The following TMEM132C variants were observed in gnomAD, a reference collection of about 807,000 sequenced individuals.
TMEM132C encodes the protein protein phosphatase 1, regulatory subunit 152.
TMEM132C carries 29 observed loss-of-function variants against 61.4 expected under a neutral mutation model. That is an observed-to-expected ratio of 0.47 (90% CI 0.35 to 0.64). The LOEUF (loss-of-function observed/expected upper bound fraction) is 0.64, where lower values mean the gene tolerates loss of function less well. Ranked by LOEUF, TMEM132C falls within the 30% of genes least tolerant of loss-of-function variation. The probability of loss-of-function intolerance (pLI) is 0.00; values close to 1 mark genes in which losing one functional copy is unlikely to be tolerated. For synonymous variants in TMEM132C, 656 were observed against 633.1 expected (o/e 1.04, Z -0.54); for missense variants, 1,408 against 1,476.9 (o/e 0.95, Z 0.76).
chr12:128,435,302 C>T (rs532495057), intron 2 of TMEM132C, among the ~76,000 whole-genome samples: 41 of 152,218 alleles, frequency 2.7e-4, no homozygotes, highest in Admixed American at 3.9e-4. Context: ...GTTGCCAGTC[C>T]GGTGACCCAA....
intron 1 of TMEM132C, among the ~76,000 whole-genome samples, chr12:128,296,550 A>ATTTCCTCTCTGTC (rs1367987825): frequency 1.3e-4 from 20 of 152,144 alleles, no homozygotes; most frequent in Admixed American, 4.6e-4. Context: ...CCAGCCATTA[A>ATTTCCTCTCTGTC]TTTCCTCTCT....
At chr12:128,593,550 G>A (rs1030923252) in intron 3 of TMEM132C, among the ~76,000 whole-genome samples, 2 of 152,210 alleles carry the variant, frequency 1.3e-5, no homozygotes, top group African/African-American at 4.8e-5. Flanking sequence ...CATGGGAATT[G>A]GAGTTGAGTT....
rs558426293 is a variant in TMEM132C at position 128,557,646 on chromosome 12, A to T, written c.1121+13543A>T. On this transcript the variant is annotated intron_variant, in intron 3 of 8. Transcript: ENST00000435159. ...ATATCCCCAAGGCTCTGTGTGTCTC[A>T]GAGAACATATTCACAGTCTTCTCAG... Among the ~76,000 whole-genome samples, 3 of 152,306 alleles carry T rather than the reference A, an allele frequency of 2.0e-5. No homozygotes were observed. In the South Asian group the frequency reaches 6.2e-4, roughly 32 times the overall value.
chr12:128,532,259 A>G (rs1157177936), intron 2 of TMEM132C, among the ~76,000 whole-genome samples: 1 of 152,114 alleles, frequency 6.6e-6, no homozygotes, highest in Non-Finnish European at 1.5e-5. Context: ...CTCCTTTATG[A>G]GGAGCTATGT....
intron 5 of TMEM132C, among the ~76,000 whole-genome samples, chr12:128,672,943 AG>A (rs1954546704): frequency 6.6e-6 from 1 of 152,234 alleles, no homozygotes; most frequent in Non-Finnish European, 1.5e-5. Flanking sequence ...AGAAGACACA[AG>A]ACCCCGAGGT....
chr12:128,657,835 G>T (rs956848247), intron 4 of TMEM132C, among the ~76,000 whole-genome samples: 9 of 152,256 alleles, frequency 5.9e-5, no homozygotes, highest in African/African-American at 2.2e-4. Context: ...CAGTTTGTGG[G>T]CTCTGTTTCC....
intron 1 of TMEM132C, among the ~76,000 whole-genome samples, chr12:128,312,603 A>T (rs1020376226): frequency 6.6e-6 from 1 of 152,192 alleles, no homozygotes; most frequent in Admixed American, 6.5e-5. Context: ...ATGGAGGCAG[A>T]CATTGGAGGG....
rs190362380 is a variant in TMEM132C at position 128,643,020 on chromosome 12, C to T, written c.1306-26397C>T. ...CCCGGGTCTCTTCTTATCATTGTAG[C>T]GATCTCTCACTGACTTCAGAGAATG... is the stretch of plus-strand genomic sequence containing the variant. On this transcript the variant is annotated intron_variant, in intron 4 of 8. Coordinates refer to ENST00000435159, the MANE Select transcript of TMEM132C (RefSeq NM_001136103.3). 2.1e-3 allele frequency among the ~76,000 whole-genome samples: 313 copies of T among 152,256 alleles called. 1 individual carries two copies. The highest frequency in any genetic ancestry group is 4.6e-3 in the Admixed American group (70 of 15,288).
intron 1 of TMEM132C, among the ~76,000 whole-genome samples, chr12:128,399,605 AC>A (rs1488814129): frequency 6.6e-6 from 1 of 152,084 alleles, no homozygotes; most frequent in Admixed American, 6.6e-5. Flanking sequence ...AAAGAGGTAA[AC>A]CTGGTCTATA....
chr12:128,379,962 A>G (rs1047675904), intron 1 of TMEM132C, among the ~76,000 whole-genome samples: 1 of 152,184 alleles, frequency 6.6e-6, no homozygotes. Context: ...GGAGATAGAG[A>G]CACTAGCCGA....
chr12:128,294,870 G>A (rs1397267010), intron 1 of TMEM132C, among the ~76,000 whole-genome samples: 1 of 152,036 alleles, frequency 6.6e-6, no homozygotes, highest in Non-Finnish European at 1.5e-5. Flanking sequence ...GAACAAAGAC[G>A]TTTAGAACAC....
At chr12:128,355,707 C>A (rs1873481856) in intron 1 of TMEM132C, among the ~76,000 whole-genome samples, 1 of 152,134 alleles carries the variant, frequency 6.6e-6, no homozygotes, top group Non-Finnish European at 1.5e-5. Flanking sequence ...TCCACACTGT[C>A]CTCCTTGCTG....
chr12:128,296,788 C>T (rs1391360982), intron 1 of TMEM132C, among the ~76,000 whole-genome samples: 1 of 152,102 alleles, frequency 6.6e-6, no homozygotes, highest in Non-Finnish European at 1.5e-5. Flanking sequence ...TAAATTGATG[C>T]ATTTCTTTAA....
intron 2 of TMEM132C, among the ~76,000 whole-genome samples, chr12:128,496,256 G>T (rs1871953094): frequency 6.6e-6 from 1 of 152,144 alleles, no homozygotes; most frequent in African/African-American, 2.4e-5. Flanking sequence ...CTCTTTGGCT[G>T]CACTTAACAT....
chr12:128,414,320 G>T (rs1868679458), intron 1 of TMEM132C, among the ~76,000 whole-genome samples: 1 of 152,128 alleles, frequency 6.6e-6, no homozygotes, highest in South Asian at 2.1e-4. Context: ...ATATGTTCTT[G>T]AGTTTATATA....
At chr12:128,499,546 C>T (rs564678114) in intron 2 of TMEM132C, among the ~76,000 whole-genome samples, 9 of 152,292 alleles carry the variant, frequency 5.9e-5, no homozygotes, top group East Asian at 5.8e-4. Context: ...AACCCTCTCC[C>T]GACTACCCTT....
At chr12:128,539,728 T>G (rs1260575333) in intron 2 of TMEM132C, among the ~76,000 whole-genome samples, 1 of 152,208 alleles carries the variant, frequency 6.6e-6, no homozygotes, top group Non-Finnish European at 1.5e-5. Flanking sequence ...TTTTATTGTC[T>G]TCTAGGTTAC....
intron 8 of TMEM132C, among the ~76,000 whole-genome samples, chr12:128,701,533 T>G (rs1195267832): frequency 6.6e-6 from 1 of 152,234 alleles, no homozygotes; most frequent in African/African-American, 2.4e-5. Flanking sequence ...TTTTTTTAAT[T>G]GCTAGCATTC....
At chr12:128,608,329 A>T (rs1024366606) in intron 3 of TMEM132C, among the ~76,000 whole-genome samples, 2 of 152,226 alleles carry the variant, frequency 1.3e-5, no homozygotes, top group Non-Finnish European at 2.9e-5. Context: ...CCTGCATATT[A>T]GAATCACCTG....
Sources: gnomAD v4.1 joint callset for allele counts (sites outside exome capture counted in the v4.1 genomes callset) on GRCh38, gnomAD v4.1.1 for gene constraint, MANE v1.5 for transcripts, NCBI Gene and HGNC (gene_info 2026-07-23, HGNC 2026-07-21) for gene names.